Variants in CFAP263 observed in about 807,000 individuals in gnomAD.
CFAP263 encodes the protein cilia- and flagella-associated protein 263.
chr16:58,258,485 A>T, the CFAP263 span: 1 of 1,614,174 alleles, frequency 6.2e-7, no homozygotes, highest in Non-Finnish European at 8.5e-7. Context: ...GGCCACTCAG[A>T]AAGTGATGAA....
the CFAP263 span, among the ~76,000 whole-genome samples, chr16:58,261,430 T>A: frequency 6.6e-6 from 1 of 152,290 alleles, no homozygotes; most frequent in South Asian, 2.1e-4. Context: ...AGATGGATGA[T>A]CTTTAACCTT....
the CFAP263 span, chr16:58,258,553 A>T: frequency 6.2e-7 from 1 of 1,604,248 alleles, no homozygotes. Flanking sequence ...TTAGAAAGGG[A>T]AAAAACATTC....
At chr16:58,254,177 C>A in the CFAP263 span, 5 of 1,613,652 alleles carry the variant, frequency 3.1e-6, no homozygotes, top group East Asian at 1.1e-4. Flanking sequence ...TTCCTGCCAG[C>A]GCAGCCTGTC....
the CFAP263 span, among the ~76,000 whole-genome samples, chr16:58,262,787 A>ATAGATAGATAGATAGG: frequency 0.034 from 5,108 of 150,434 alleles, 115 homozygotes; most frequent in African/African-American, 0.066. Flanking sequence ...AGATAGATAG[A>ATAGATAGATAGATAGG]TAGATAGATA....
the CFAP263 span, among the ~76,000 whole-genome samples, chr16:58,251,299 C>T: frequency 0.14 from 21,929 of 152,266 alleles, 2,090 homozygotes; most frequent in East Asian, 0.33. Flanking sequence ...ACTCCACAGA[C>T]TACATACACC....
the CFAP263 span, among the ~76,000 whole-genome samples, chr16:58,250,984 A>C: frequency 1.1e-3 from 165 of 152,300 alleles, no homozygotes; most frequent in African/African-American, 3.7e-3. Flanking sequence ...AATTGGATAT[A>C]AAGATTCCAT....
At chr16:58,273,197 C>G in the CFAP263 span, among the ~76,000 whole-genome samples, 5 of 152,012 alleles carry the variant, frequency 3.3e-5, no homozygotes, top group East Asian at 9.6e-4. Flanking sequence ...GTTTGTTGAG[C>G]CCTTTGTATG....
At chr16:58,279,444 C>T in the CFAP263 span, among the ~76,000 whole-genome samples, 1 of 152,122 alleles carries the variant, frequency 6.6e-6, no homozygotes, top group Non-Finnish European at 1.5e-5. Flanking sequence ...CAGGAACATG[C>T]AACTTCTCAC....
the CFAP263 span, chr16:58,280,380 G>C: frequency 6.2e-7 from 1 of 1,614,022 alleles, no homozygotes; most frequent in African/African-American, 1.3e-5. Context: ...CAGGAGACCT[G>C]CCTGATTCCT....
chr16:58,277,776 T>C, the CFAP263 span, among the ~76,000 whole-genome samples: 1 of 152,192 alleles, frequency 6.6e-6, no homozygotes, highest in African/African-American at 2.4e-5. Context: ...CATACTACCA[T>C]GTGTAGGAAA....
chr16:58,275,363 A>G, the CFAP263 span, among the ~76,000 whole-genome samples: 54 of 152,272 alleles, frequency 3.5e-4, no homozygotes, highest in African/African-American at 1.3e-3. Flanking sequence ...ATTCAACATA[A>G]TAAAAATGTT....
chr16:58,250,386 A>G, the CFAP263 span: 1 of 383,124 alleles, frequency 2.6e-6, no homozygotes, highest in Non-Finnish European at 4.7e-6. Context: ...AGTCTCTCTC[A>G]TGCCAGACGG....
At chr16:58,273,111 T>G in the CFAP263 span, among the ~76,000 whole-genome samples, 3 of 152,244 alleles carry the variant, frequency 2.0e-5, no homozygotes, top group African/African-American at 7.2e-5. Flanking sequence ...TTCAATATTT[T>G]CTCTTTGCTT....
At chr16:58,259,941 G>T in the CFAP263 span, 292 of 1,583,774 alleles carry the variant, frequency 1.8e-4, 2 homozygotes, top group African/African-American at 3.6e-3. Context: ...GCAGGTATGT[G>T]GTCCTTTTTC....
chr16:58,262,548 C>T, the CFAP263 span: 2 of 1,590,724 alleles, frequency 1.3e-6, no homozygotes, highest in South Asian at 2.2e-5. Context: ...AAAGTAAGGC[C>T]ATCCCTGATA....
the CFAP263 span, among the ~76,000 whole-genome samples, chr16:58,260,580 T>C: frequency 6.6e-6 from 1 of 152,152 alleles, no homozygotes; most frequent in Non-Finnish European, 1.5e-5. Context: ...GTGGCACAGT[T>C]ATATGTGCTT....
At chr16:58,266,792 C>T in the CFAP263 span, among the ~76,000 whole-genome samples, 2 of 152,082 alleles carry the variant, frequency 1.3e-5, no homozygotes, top group Admixed American at 6.6e-5. Flanking sequence ...CTGCAGAAGC[C>T]AGTGAAGGGC....
chr16:58,278,916 A>C, the CFAP263 span, among the ~76,000 whole-genome samples: 2 of 152,054 alleles, frequency 1.3e-5, no homozygotes, highest in African/African-American at 4.8e-5. Context: ...TGAATTCTAG[A>C]AGTTTCTGAA....
chr16:58,275,035 T>C, the CFAP263 span, among the ~76,000 whole-genome samples: 1 of 152,246 alleles, frequency 6.6e-6, no homozygotes, highest in African/African-American at 2.4e-5. Flanking sequence ...GGAGTATGCA[T>C]TGATGGTTCT....
Sources: allele counts gnomAD v4.1 joint callset (sites outside exome capture counted in the v4.1 genomes callset), GRCh38; gene constraint gnomAD v4.1.1; transcripts MANE v1.5; gene names NCBI Gene and HGNC (gene_info 2026-07-23, HGNC 2026-07-21).